The following CBFA2T3 variants were observed in gnomAD, a reference collection of about 807,000 sequenced individuals.
CBFA2T3 encodes the protein transcriptional corepressor CBFA2T3.
A neutral mutation model predicts 58.6 loss-of-function variants in CBFA2T3; 31 were observed. The observed-to-expected ratio is 0.53, with a 90% CI of 0.40 to 0.71. CBFA2T3 has a LOEUF of 0.71. CBFA2T3 is among the 30% of genes least tolerant of loss of function. The pLI, the probability that CBFA2T3 is intolerant of heterozygous loss-of-function variation, is 0.00. For missense variants in CBFA2T3, 1,076 were observed against 963.1 expected, an observed-to-expected ratio of 1.12 and a Z score of -1.55; for synonymous variants, 531 against 421.9, an observed-to-expected ratio of 1.26 and a Z score of -3.17.
chr16:88,925,488 A>C (rs983151184), intron 1 of CBFA2T3, among the ~76,000 whole-genome samples: 6 of 152,132 alleles, frequency 3.9e-5, no homozygotes, highest in Admixed American at 1.3e-4. Context: ...AGGCAGCCAG[A>C]GACCTGCTCC....
At chr16:88,942,956 G>T (rs1222539060) in intron 1 of CBFA2T3, among the ~76,000 whole-genome samples, 1 of 152,210 alleles carries the variant, frequency 6.6e-6, no homozygotes, top group Non-Finnish European at 1.5e-5. Flanking sequence ...CCCATGCGGT[G>T]GGTGTGTTGC....
intron 1 of CBFA2T3, chr16:88,951,570 C>T (rs1450345307): frequency 5.5e-6 from 2 of 365,696 alleles, no homozygotes; most frequent in Non-Finnish European, 1.1e-5. Context: ...GCTGCCATTC[C>T]CTCCCCTCGG....
chr16:88,894,800 G>A (rs1022979317), intron 3 of CBFA2T3, among the ~76,000 whole-genome samples: 15 of 152,268 alleles, frequency 9.9e-5, no homozygotes, highest in African/African-American at 3.1e-4. Flanking sequence ...CCGTGTGTTC[G>A]CACCTGTGGC....
rs1195024053 is a variant in CBFA2T3 at position 88,884,901 on chromosome 16, A to T, written c.1117+145T>A. The T allele has an allele frequency of 2.0e-5, 12 of 613,076 alleles. No homozygotes were observed. In the African/African-American group the frequency reaches 2.3e-4, roughly 12 times the overall value. The allele number at this position is 613,076 out of a possible 1,614,324, so 38.0% of individuals were successfully genotyped here. Reference sequence around the variant, plus strand: ...CAGCCACCGCTCTGCTCCAGGGGGAATGCCAGGCAGGGGGAAGGGGTCTCC... The same window carrying T: ...CAGCCACCGCTCTGCTCCAGGGGGATTGCCAGGCAGGGGGAAGGGGTCTCC... On this transcript the variant is annotated intron_variant, in intron 7 of 11. Transcript: ENST00000268679.
intron 1 of CBFA2T3, among the ~76,000 whole-genome samples, chr16:88,957,280 G>A (rs1342522090): frequency 1.3e-5 from 2 of 152,220 alleles, no homozygotes; most frequent in Non-Finnish European, 2.9e-5. Flanking sequence ...GAGGTTCCTG[G>A]TCAGAAGTGC....
chr16:88,885,923 C>T lies in CBFA2T3; in HGVS notation c.893+38G>A, dbSNP rs770238259. The T allele has an allele frequency of 5.9e-5, 91 of 1,530,014 alleles. No individual in the cohort carries two copies. Among genetic ancestry groups the T allele is most frequent in the Non-Finnish European group, 7.4e-5 (84 of 1,133,460 alleles). 94.8% of individuals were successfully genotyped at this position (1,530,014 alleles called of 1,614,324 possible). ...GGGAGCAGGGTGAGCCGCGTGTCCA[C>T]GGCACCCCCAGCCCAGATCCCCGGA... On this transcript the variant is annotated intron_variant, in intron 6 of 11. Coordinates refer to ENST00000268679, the MANE Select transcript of CBFA2T3 (RefSeq NM_005187.6). This position sits in a 1 kb window ranked among gnomAD's most constrained non-coding sequence, Gnocchi z 5.3.
chr16:88,952,631 G>A (rs1049174548), intron 1 of CBFA2T3, among the ~76,000 whole-genome samples: 2 of 151,946 alleles, frequency 1.3e-5, no homozygotes, highest in African/African-American at 2.4e-5. Context: ...GGCACACACC[G>A]CTCCCCTGCC....
intron 1 of CBFA2T3, among the ~76,000 whole-genome samples, chr16:88,975,204 C>CCCTGGCCCTCTGCT (rs1213238433): frequency 3.4e-4 from 42 of 123,904 alleles, no homozygotes; most frequent in East Asian, 1.6e-3. Flanking sequence ...CAGAGGTCCA[C>CCCTGGCCCTCTGCT]CCTGACCCTC....
chr16:88,913,931 G>A (rs1368701398), intron 1 of CBFA2T3, among the ~76,000 whole-genome samples: 2 of 152,120 alleles, frequency 1.3e-5, no homozygotes, highest in African/African-American at 2.4e-5. Flanking sequence ...TCACTCCTGG[G>A]CACAGAACCT....
chr16:88,933,958 A>C (rs1216708442), intron 1 of CBFA2T3, among the ~76,000 whole-genome samples: 1 of 151,336 alleles, frequency 6.6e-6, no homozygotes, highest in African/African-American at 2.4e-5. Context: ...AAAAAAAAAT[A>C]CCTCAGTCGC....
intron 1 of CBFA2T3, among the ~76,000 whole-genome samples, chr16:88,947,434 G>A (rs914909826): frequency 1.3e-5 from 2 of 152,122 alleles, no homozygotes; most frequent in Admixed American, 1.3e-4. Context: ...ATCCTAATAT[G>A]TTTTCATGTT....
intron 1 of CBFA2T3, among the ~76,000 whole-genome samples, chr16:88,916,381 G>T (rs12444726): frequency 0.39 from 58,774 of 149,166 alleles, 12,226 homozygotes; most frequent in African/African-American, 0.53. Context: ...CACATACATG[G>T]GGGTGTATGT....
At position 88,904,190 on chromosome 16, in the gene CBFA2T3, C is replaced by T. The variant is rs115298978; in HGVS notation, c.152-2534G>A. Among the ~76,000 whole-genome samples the T allele has an allele frequency of 6.5e-3, 988 of 152,288 alleles. 6 individuals carry two copies. The highest frequency in any genetic ancestry group is 0.022 in the African/African-American group (923 of 41,544). ...GTGCCCTGCCGGCGCCCTGAGCAGT[C>T]GGGGACTTCATGTGGTTCCCTTTGG... On this transcript the variant is annotated intron_variant, in intron 1 of 11. Coordinates refer to ENST00000268679, the MANE Select transcript of CBFA2T3 (RefSeq NM_005187.6).
At chr16:88,945,031 G>A (rs918961416) in intron 1 of CBFA2T3, among the ~76,000 whole-genome samples, 9 of 152,334 alleles carry the variant, frequency 5.9e-5, no homozygotes, top group Admixed American at 5.9e-4. Flanking sequence ...GAGCACTATA[G>A]ACTCTCAAAC....
chr16:88,908,472 G>A (rs1179077444), intron 1 of CBFA2T3, among the ~76,000 whole-genome samples: 2 of 152,236 alleles, frequency 1.3e-5, no homozygotes, highest in African/African-American at 4.8e-5. Context: ...TAACGGGCCG[G>A]GAGAGGAAGC....
chr16:88,965,046 TC>T (rs1972463360), intron 1 of CBFA2T3, among the ~76,000 whole-genome samples: 1 of 148,816 alleles, frequency 6.7e-6, no homozygotes, highest in Non-Finnish European at 1.5e-5. Context: ...TCTCCATCCA[TC>T]CATCCATCCA....
At chr16:88,952,152 A>C (rs1041396073) in intron 1 of CBFA2T3, among the ~76,000 whole-genome samples, 2 of 152,138 alleles carry the variant, frequency 1.3e-5, no homozygotes, top group African/African-American at 4.8e-5. Flanking sequence ...CTATGCAGAG[A>C]CAGAGAGACT....
rs560808953 is a variant in CBFA2T3, at chr16:88,906,362, C to T, written c.152-4706G>A. On this transcript the variant is annotated intron_variant, in intron 1 of 11. Coordinates refer to ENST00000268679, the MANE Select transcript of CBFA2T3 (RefSeq NM_005187.6). ...GGAGGCCCCGTGGGCTACCAGCCCA[C>T]GGCTGCGAACCACACAGGAAGAGGC... Among the ~76,000 whole-genome samples, 3 of 152,338 alleles carry T rather than the reference C, an allele frequency of 2.0e-5. No homozygotes were observed. The East Asian group carries it at 5.8e-4, about 29-fold the overall frequency.
At chr16:88,962,089 G>A (rs532048647) in intron 1 of CBFA2T3, among the ~76,000 whole-genome samples, 18 of 150,642 alleles carry the variant, frequency 1.2e-4, no homozygotes, top group African/African-American at 3.4e-4. Context: ...CATAGTAACC[G>A]ACACTCAGCA....
Sources: gnomAD v4.1 joint callset for allele counts (sites outside exome capture counted in the v4.1 genomes callset) on GRCh38, gnomAD v4.1.1 for gene constraint, Gnocchi (gnomAD v3.1) non-coding constraint, MANE v1.5 for transcripts, NCBI Gene and HGNC (gene_info 2026-07-23, HGNC 2026-07-21) for gene names.